Variants in SEMA3E observed in about 807,000 individuals in gnomAD.
SEMA3E encodes semaphorin 3E, also known as semaphorin-3E.
SEMA3E carries 49 observed loss-of-function variants against 93.6 expected under a neutral mutation model. The ratio of observed to expected loss-of-function variants is 0.52; its 90% CI spans 0.42 to 0.66. The LOEUF is 0.66. Among genes scored for constraint, SEMA3E ranks in the 30% least tolerant of loss-of-function variants. SEMA3E has a pLI of 0.00. For missense variants in SEMA3E, 906 were observed against 964.8 expected, an observed-to-expected ratio of 0.94 and a Z score of 0.81; for synonymous variants, 363 against 330.7, an observed-to-expected ratio of 1.10 and a Z score of -1.06.
At chr7:83,435,802 T>C (rs1269269764) in intron 4 of SEMA3E, among the ~76,000 whole-genome samples, 1 of 152,184 alleles carries the variant, frequency 6.6e-6, no homozygotes, top group Non-Finnish European at 1.5e-5. Context: ...GATGTAAAAT[T>C]CCATGGTTAA....
chr7:83,591,086 C>A, intron 1 of SEMA3E, among the ~76,000 whole-genome samples: 1 of 127,374 alleles, frequency 7.9e-6, no homozygotes. Flanking sequence ...ACATTATAAA[C>A]TTTATCTTAG....
intron 1 of SEMA3E, among the ~76,000 whole-genome samples, chr7:83,580,170 A>G (rs1177520156): frequency 6.6e-6 from 1 of 152,104 alleles, no homozygotes; most frequent in Non-Finnish European, 1.5e-5. Flanking sequence ...AATGATTTGT[A>G]AAACTTGATA....
intron 4 of SEMA3E, among the ~76,000 whole-genome samples, chr7:83,449,655 C>T (rs1324485564): frequency 1.3e-5 from 2 of 152,042 alleles, no homozygotes; most frequent in Non-Finnish European, 2.9e-5. Context: ...TATTTTCTTT[C>T]GGACTTAACT....
intron 1 of SEMA3E, among the ~76,000 whole-genome samples, chr7:83,590,763 T>C (rs1792741895): frequency 6.6e-6 from 1 of 152,124 alleles, no homozygotes; most frequent in Non-Finnish European, 1.5e-5. Context: ...AGAGTACAAG[T>C]TAACATACAG....
intron 16 of SEMA3E, among the ~76,000 whole-genome samples, chr7:83,384,781 C>T (rs1044667623): frequency 3.9e-5 from 6 of 151,970 alleles, no homozygotes; most frequent in South Asian, 2.1e-4. Context: ...TTGTTCCCAG[C>T]GGTCAAGAAC....
rs1584368890 is a variant in SEMA3E, at chr7:83,619,877, T to A, written c.115+28551A>T. Among the ~76,000 whole-genome samples the A allele has an allele frequency of 1.3e-5, 2 of 149,148 alleles. 1 individual carries two copies. The stretch of plus-strand genomic sequence containing the variant: ...CTGTGTACCTGTGGACAGAGATAGA[T>A]AGATAGATGATAGATAGATAGATAG... On this transcript the variant is annotated intron_variant, in intron 1 of 16. Transcript: ENST00000643230.
chr7:83,394,769 C>T (rs1181639103), intron 12 of SEMA3E, among the ~76,000 whole-genome samples: 1 of 152,094 alleles, frequency 6.6e-6, no homozygotes, highest in African/African-American at 2.4e-5. Context: ...GAACCCAAAC[C>T]TAAACAAAAT....
At chr7:83,378,101 A>T (rs2116906162) in intron 16 of SEMA3E, among the ~76,000 whole-genome samples, 1 of 152,010 alleles carries the variant, frequency 6.6e-6, no homozygotes, top group East Asian at 1.9e-4. Context: ...TACACCCTTC[A>T]TAGAAGGAAG....
In SEMA3E at chr7:83,603,039, A is replaced by G. The variant is rs554216392; in HGVS notation, c.115+45389T>C. 2.0e-5 allele frequency among the ~76,000 whole-genome samples: 3 copies of G among 152,248 alleles called. No individual in the cohort carries two copies. In the East Asian group the frequency reaches 5.8e-4, roughly 29 times the overall value. On this transcript the variant is annotated intron_variant, in intron 1 of 16. Coordinates refer to ENST00000643230, the MANE Select transcript of SEMA3E (RefSeq NM_012431.3). ...AAACTTAACCTATCAGAAATGTGTA[A>G]TTTTTATTGCTTTATGCGTAGGTCC...
chr7:83,638,690 G>A (rs1033573623), intron 1 of SEMA3E, among the ~76,000 whole-genome samples: 3 of 152,136 alleles, frequency 2.0e-5, no homozygotes, highest in African/African-American at 7.2e-5. Flanking sequence ...AGGGGATGAA[G>A]CTAAAGGAGG....
Position 83,623,958 on chromosome 7 carries a change from A to T in SEMA3E, c.115+24470T>A, listed in dbSNP as rs529718956. 2.3e-4 allele frequency among the ~76,000 whole-genome samples: 33 copies of T among 146,612 alleles called. 1 individual carries two copies. In the East Asian group the frequency reaches 6.4e-3, roughly 28 times the overall value. On this transcript the variant is annotated intron_variant, in intron 1 of 16. Transcript: ENST00000643230. Reference sequence around the variant, plus strand: ...TCTCATTGTTCAACTCCCACTTATGAGTGAGAATATACAATGTTTGGTTTT... The same window carrying T: ...TCTCATTGTTCAACTCCCACTTATGTGTGAGAATATACAATGTTTGGTTTT...
chr7:83,591,123 C>A (rs977400), intron 1 of SEMA3E, among the ~76,000 whole-genome samples: 2,230 of 84,626 alleles, frequency 0.026, 29 homozygotes, highest in Middle Eastern at 0.098. Context: ...AAAAAAAAAA[C>A]AAGAGGAATT....
chr7:83,394,477 C>A, intron 12 of SEMA3E, 139 bp from the exon 13 acceptor site: 2 of 700,268 alleles, frequency 2.9e-6, no homozygotes, highest in South Asian at 2.0e-5. Flanking sequence ...TTTTAGTAAA[C>A]CAATATGCAA....
intron 1 of SEMA3E, among the ~76,000 whole-genome samples, chr7:83,612,140 T>A (rs994246698): frequency 3.9e-5 from 6 of 152,128 alleles, no homozygotes; most frequent in African/African-American, 1.4e-4. Flanking sequence ...GATCATCCTA[T>A]GTAAAAAAGA....
rs114399238 is a variant in SEMA3E, at chr7:83,602,182, G to A, written c.115+46246C>T. Among the ~76,000 whole-genome samples the A allele has an allele frequency of 5.1e-3, 769 of 152,264 alleles. 7 individuals are homozygous for A. Among genetic ancestry groups the A allele is most frequent in the African/African-American group, 0.016 (651 of 41,550 alleles). ...TCCCTAATTCAGTTTCAGGATAGGA[G>A]TAATGTAGTTTTTGTTTCCATCCCT... On this transcript the variant is annotated intron_variant, in intron 1 of 16. Transcript: ENST00000643230.
Position 83,364,418 on chromosome 7 carries a change from C to T in SEMA3E, c.*3168G>A. Reference sequence around the variant, plus strand: ...CTCTAAAATATGTATGGAATTGCCACTTACTAAACAGGCAGACTTTCTGTT... The same window carrying T: ...CTCTAAAATATGTATGGAATTGCCATTTACTAAACAGGCAGACTTTCTGTT... On this transcript the variant is annotated 3_prime_UTR_variant, in exon 17 of 17. Coordinates refer to ENST00000643230, the MANE Select transcript of SEMA3E (RefSeq NM_012431.3). The T allele has an allele frequency of 6.6e-6, 1 of 152,188 alleles. No homozygotes were observed. Among genetic ancestry groups the T allele is most frequent in the Non-Finnish European group, 1.5e-5 (1 of 68,044 alleles). 9.4% of individuals were successfully genotyped at this position (152,188 alleles called of 1,614,324 possible).
intron 1 of SEMA3E, among the ~76,000 whole-genome samples, chr7:83,574,375 A>T (rs1300925081): frequency 2.0e-5 from 3 of 152,078 alleles, no homozygotes; most frequent in East Asian, 3.9e-4. Context: ...AATCTTTGTT[A>T]TGAAGAAGAG....
intron 2 of SEMA3E, among the ~76,000 whole-genome samples, chr7:83,474,108 A>G (rs1409739727): frequency 2.0e-5 from 3 of 151,496 alleles, no homozygotes; most frequent in East Asian, 1.9e-4. Context: ...AAAAAAAAAA[A>G]AAAAAAAAGA....
intron 16 of SEMA3E, among the ~76,000 whole-genome samples, chr7:83,383,537 T>C (rs1357024908): frequency 6.6e-6 from 1 of 151,996 alleles, no homozygotes; most frequent in East Asian, 1.9e-4. Flanking sequence ...AAGCCAAGTA[T>C]TATTATTAGC....
Sources: gnomAD v4.1 joint callset for allele counts (sites outside exome capture counted in the v4.1 genomes callset) on GRCh38, gnomAD v4.1.1 for gene constraint, MANE v1.5 for transcripts, NCBI Gene and HGNC (gene_info 2026-07-23, HGNC 2026-07-21) for gene names.